Variants in UNC93A observed in about 807,000 individuals in gnomAD.
UNC93A encodes the protein unc-93 homolog A.
UNC93A carries 43 observed loss-of-function variants against 47.5 expected under a neutral mutation model. That is an observed-to-expected ratio of 0.91 (90% CI 0.71 to 1.17). UNC93A has a LOEUF of 1.17. Ranked by LOEUF, UNC93A falls within the 50% of genes most tolerant of loss-of-function variation. UNC93A has a pLI of 0.00. For missense variants in UNC93A, 605 were observed against 577.6 expected (o/e 1.05, Z -0.49); for synonymous variants, 280 against 258.0 (o/e 1.09, Z -0.82).
chr6:167,271,584 C>T (rs1024349932), intron 1 of UNC93A: 1 of 152,078 alleles, frequency 6.6e-6, no homozygotes, highest in African/African-American at 2.4e-5. Context: ...TCGTCAGCCC[C>T]CACTTATCTA....
rs754403597 is a variant in UNC93A, at chr6:167,304,125, T to C, written c.832T>C (p.Tyr278His). 2 of 1,614,178 alleles carry C rather than the reference T, an allele frequency of 1.2e-6. No individual in the cohort carries two copies. Among genetic ancestry groups the C allele is most frequent in the Non-Finnish European group, 1.7e-6 (2 of 1,180,034 alleles). The change falls in exon 5 of 8, where the codon TAC becomes CAC. Residue 278 changes from tyrosine (Y) to histidine (H), a missense_variant. By Grantham distance (83) the Tyr-to-His change is moderately conservative. Transcript: ENST00000230256. ...GLQQGFLSSE[Y>H]TRSYVTCTLG... ...GCAGCAAGGATTCCTCTCCAGCGAA[T>C]ACACAAGGGTATGAACGAAAGTGAG...
intron 4 of UNC93A, among the ~76,000 whole-genome samples, chr6:167,299,995 G>A (rs573494388): frequency 1.6e-4 from 24 of 152,292 alleles, no homozygotes; most frequent in Non-Finnish European, 2.9e-4. Flanking sequence ...GAGCAGGTAC[G>A]GGGAGGCAGA....
chr6:167,297,869 A>T, intron 3 of UNC93A, 76 bp from the exon 4 acceptor site: 1 of 1,564,320 alleles, frequency 6.4e-7, no homozygotes, highest in Non-Finnish European at 8.7e-7. Context: ...TTCCACTGTC[A>T]CTTTGATTTC....
At chr6:167,296,577 C>G (rs533791553) in intron 3 of UNC93A, among the ~76,000 whole-genome samples, 1 of 152,224 alleles carries the variant, frequency 6.6e-6, no homozygotes, top group African/African-American at 2.4e-5. Flanking sequence ...CATGGAGTCT[C>G]AACTGCACAA....
At chr6:167,279,020 A>C (rs150671499) in intron 1 of UNC93A, among the ~76,000 whole-genome samples, 2 of 152,236 alleles carry the variant, frequency 1.3e-5, no homozygotes, top group Non-Finnish European at 2.9e-5. Flanking sequence ...AATTTTGAAA[A>C]GGTACACAGC....
chr6:167,296,138 G>A lies in UNC93A; in HGVS notation c.376G>A (p.Ala126Thr). 1 of 1,614,242 alleles carries A rather than the reference G, an allele frequency of 6.2e-7. No homozygotes were observed. ...CACGGGAAACACACATGCAGAGAAG[G>A]CGGGAAAGCGTGGCAAAGACATGGT... The part of the protein sequence containing the change: ...TITGNTHAEK[A>T]GKRGKDMVNQ... Residue 126 changes from alanine (A) to threonine (T), a missense_variant, in exon 3 of 8, where the codon GCG becomes ACG. Ala to Thr is a moderately conservative substitution (Grantham distance 58, BLOSUM62 0). Coordinates refer to ENST00000230256, the MANE Select transcript of UNC93A (RefSeq NM_018974.4).
Position 167,299,151 on chromosome 6 carries a change from CAT to C in UNC93A, c.625+1084_625+1085del, listed in dbSNP as rs200754177. ...AAAAATACACACACACACACACACA[CAT>C]ATTTATATATGCATGTACATATACA... is the stretch of plus-strand genomic sequence containing the variant. On this transcript the variant is annotated intron_variant, in intron 4 of 7. Transcript: ENST00000230256. 3.6e-3 allele frequency among the ~76,000 whole-genome samples: 522 copies of C among 145,120 alleles called. 4 individuals carry two copies. The highest frequency in any genetic ancestry group is 0.013 in the African/African-American group (504 of 37,872).
rs7739457 is a variant in UNC93A, at chr6:167,315,227, C to A, written c.1149C>A (p.Ala383=). 6.0e-3 allele frequency: 9,699 copies of A among 1,613,708 alleles called. 492 individuals carry two copies. In the African/African-American group the frequency reaches 0.11, roughly 19 times the overall value. ...TGTTTGAGAAGAGCAAGGAAGCTGCCTTCGCCAATTACCGCCTGTGGGAGG... is the reference window on the plus strand; with the variant it reads ...TGTTTGAGAAGAGCAAGGAAGCTGCATTCGCCAATTACCGCCTGTGGGAGG... The part of the protein sequence containing the change: ...GVLFEKSKEA[A]FANYRLWEAL... The change falls in exon 8 of 8, where the codon GCC becomes GCA. Residue 383 remains alanine (A), a synonymous_variant. Coordinates refer to ENST00000230256, the MANE Select transcript of UNC93A (RefSeq NM_018974.4).
chr6:167,295,947 C>T (rs1778073720), intron 2 of UNC93A, 85 bp from the exon 3 acceptor site: 1 of 1,321,342 alleles, frequency 7.6e-7, no homozygotes, highest in African/African-American at 1.5e-5. Context: ...TTCCTTCTCC[C>T]AGATTGACTA....
At chr6:167,288,195 T>A (rs1783774279), upstream of UNC93A, among the ~76,000 whole-genome samples, 2 of 152,110 alleles carry the variant, frequency 1.3e-5, no homozygotes, top group Non-Finnish European at 2.9e-5. Flanking sequence ...TAATGGAAAT[T>A]AGCTAAGGGT....
At chr6:167,271,911 G>C (rs1783457205) in intron 1 of UNC93A, among the ~76,000 whole-genome samples, 2 of 152,292 alleles carry the variant, frequency 1.3e-5, no homozygotes, top group South Asian at 4.1e-4. Flanking sequence ...CATGGGAAAT[G>C]AATGGAGGAT....
At chr6:167,313,395 C>T (rs553337087) in intron 7 of UNC93A, among the ~76,000 whole-genome samples, 125 of 151,864 alleles carry the variant, frequency 8.2e-4, no homozygotes, top group Non-Finnish European at 1.5e-3. Context: ...ATTGAGGGCC[C>T]GGAAAGTTTA....
At chr6:167,288,449 TACAC>T (rs10586281), upstream of UNC93A, among the ~76,000 whole-genome samples, 6,694 of 134,774 alleles carry the variant, frequency 0.05, 154 homozygotes, top group Middle Eastern at 0.062. Flanking sequence ...TGTTCTTCCT[TACAC>T]ACACACACAC....
At chr6:167,275,498 C>T (rs1183553173) in intron 1 of UNC93A, among the ~76,000 whole-genome samples, 2 of 152,232 alleles carry the variant, frequency 1.3e-5, no homozygotes, top group East Asian at 1.9e-4. Context: ...CACCCACCCC[C>T]AAGGGCAGTC....
chr6:167,294,684 C>G lies in UNC93A; in HGVS notation c.255C>G (p.Asn85Lys). 1 of 1,596,988 alleles carries G rather than the reference C, an allele frequency of 6.3e-7. No individual in the cohort carries two copies. The highest frequency in any genetic ancestry group is 8.6e-7 in the Non-Finnish European group (1 of 1,167,934). The change falls in exon 2 of 8, where the codon AAC becomes AAG. Residue 85 changes from asparagine to lysine, a missense_variant. Asn to Lys is a moderately conservative substitution (Grantham distance 94). Transcript: ENST00000230256. Reference sequence around the variant, plus strand: ...GCTACGTGGCCTTCTCCGTGGGCAACTTCTTCGCCAGCTGGTACGCAGCCA... The same window carrying G: ...GCTACGTGGCCTTCTCCGTGGGCAAGTTCTTCGCCAGCTGGTACGCAGCCA... ...MCGYVAFSVG[N>K]FFASWYTLIP... is the part of the protein sequence containing the mutation.
At chr6:167,294,820 C>T (rs1184403218) in intron 2 of UNC93A, 122 bp downstream of exon 2, 4 of 1,123,976 alleles carry the variant, frequency 3.6e-6, no homozygotes, top group Non-Finnish European at 5.0e-6. Flanking sequence ...TTAAAATGAG[C>T]TCTCCTGCCC....
intron 6 of UNC93A, among the ~76,000 whole-genome samples, chr6:167,306,878 T>A (rs1778411693): frequency 6.6e-6 from 1 of 152,154 alleles, no homozygotes; most frequent in African/African-American, 2.4e-5. Flanking sequence ...GTCTTGAGCG[T>A]CAATGGGCAG....
chr6:167,270,756 T>G (rs1157040717), upstream of UNC93A, among the ~76,000 whole-genome samples: 1 of 151,930 alleles, frequency 6.6e-6, no homozygotes, highest in Non-Finnish European at 1.5e-5. Context: ...GAGGTTGGGG[T>G]GACGCGTCTA....
chr6:167,296,048 A>T lies in UNC93A; in HGVS notation c.286A>T (p.Thr96Ser). The change falls in exon 3 of 8, where the codon ACC (threonine) becomes TCC (serine). Residue 96 changes from threonine (T) to serine (S), a missense_variant. Coordinates refer to ENST00000230256, the MANE Select transcript of UNC93A (RefSeq NM_018974.4). ...FFASWYTLIPTSILLGLGAAP... is the reference protein window; with the variant it reads ...FFASWYTLIPSSILLGLGAAP... ...TACCCACAGGTACACTTTGATCCCC[A>T]CCTCCATACTGCTGGGACTCGGGGC... 6.2e-7 allele frequency: 1 copy of T among 1,613,834 alleles called. No homozygotes were observed. The highest frequency in any genetic ancestry group is 8.5e-7 in the Non-Finnish European group (1 of 1,179,956).
Sources: allele counts gnomAD v4.1 joint callset (sites outside exome capture counted in the v4.1 genomes callset), GRCh38; gene constraint gnomAD v4.1.1; transcripts MANE v1.5; gene names NCBI Gene and HGNC (gene_info 2026-07-23, HGNC 2026-07-21).